Variants in OR51I2 observed in about 807,000 individuals in gnomAD.
The protein encoded by OR51I2 is olfactory receptor family 51 subfamily I member 2, also known as olfactory receptor 51I2.
OR51I2 carries 6 observed loss-of-function variants against 9.3 expected under a neutral mutation model. That is an observed-to-expected ratio of 0.64 (90% CI 0.35 to 1.27). The LOEUF is 1.27. Among genes scored for constraint, OR51I2 ranks in the 50% most tolerant of loss-of-function variants. The probability of loss-of-function intolerance (pLI) is 0.03; values close to 1 mark genes in which losing one functional copy is unlikely to be tolerated. For synonymous variants in OR51I2, 179 were observed against 143.1 expected (o/e 1.25, Z -1.79); for missense variants, 489 against 396.4 (o/e 1.23, Z -1.98).
chr11:5,453,623 C>A lies in OR51I2; in HGVS notation c.135C>A (p.Ile45=). Residue 45 remains isoleucine (I), a synonymous_variant, in exon 2 of 2, where the codon ATC becomes ATA. Coordinates refer to ENST00000641930, the MANE Select transcript of OR51I2 (RefSeq NM_001004754.3). Reference sequence around the variant, plus strand: ...TGGCCCTTGGGGGAAATACAGTGATCCTGCAGGCTGTGCGAGTGGAGCCCA... The same window carrying A: ...TGGCCCTTGGGGGAAATACAGTGATACTGCAGGCTGTGCGAGTGGAGCCCA... ...YAVALGGNTV[I]LQAVRVEPSL... 1.2e-6 allele frequency: 2 copies of A among 1,613,788 alleles called. No homozygotes were observed. The highest frequency in any genetic ancestry group is 1.7e-6 in the Non-Finnish European group (2 of 1,179,892).
At position 5,454,082 on chromosome 11, in the gene OR51I2, T is replaced by C. The variant is rs373615091; in HGVS notation, c.594T>C (p.Tyr198=). The change falls in exon 2 of 2, where the codon TAT becomes TAC. Residue 198 remains tyrosine, a synonymous_variant. Coordinates refer to ENST00000641930, the MANE Select transcript of OR51I2 (RefSeq NM_001004754.3). ...CTGATATCAGTATCAACAGCATCTA[T>C]GGACTCTTTGTTCTTGTATCCACCT... The part of the protein sequence containing the change: ...ACADISINSI[Y]GLFVLVSTFG... 4.2e-5 allele frequency: 68 copies of C among 1,614,102 alleles called. 1 individual carries two copies. The highest frequency in any genetic ancestry group is 1.6e-4 in the Middle Eastern group (1 of 6,084).
Position 5,453,560 on chromosome 11 carries a change from C to T in OR51I2, c.72C>T (p.His24=). 6.2e-7 allele frequency: 1 copy of T among 1,610,418 alleles called. No homozygotes were observed. The highest frequency in any genetic ancestry group is 1.1e-5 in the South Asian group (1 of 90,394). Residue 24 remains histidine, a synonymous_variant, in exon 2 of 2, where the codon CAC becomes CAT. Transcript: ENST00000641930. ...LTGIPGLESS[H]SWLSGPLCVM... ...GTATCCCTGGTCTGGAGAGCTCTCA[C>T]TCCTGGCTGTCAGGGCCCCTCTGCG...
intron 1 of OR51I2, among the ~76,000 whole-genome samples, chr11:5,451,134 C>A (rs1850841280): frequency 6.6e-6 from 1 of 152,172 alleles, no homozygotes; most frequent in Admixed American, 6.5e-5. Context: ...TATTCATTTT[C>A]TTTCTCAGTA....
In OR51I2 at chr11:5,450,854, A is replaced by G. The variant is rs752040977; in HGVS notation, c.-231+1490A>G. On this transcript the variant is annotated intron_variant, in intron 1 of 1. Coordinates refer to ENST00000641930, the MANE Select transcript of OR51I2 (RefSeq NM_001004754.3). ...CTGTTCCTGTGTTAATTTGCTGAGG[A>G]TGATGGCTTCCAGCCTCATCCATGT... Among the ~76,000 whole-genome samples the G allele has an allele frequency of 5.9e-5, 9 of 152,144 alleles. No individual in the cohort carries two copies. The South Asian group carries it at 1.2e-3, about 21-fold the overall frequency.
rs367656709 is a variant in OR51I2, at chr11:5,453,775, C to T, written c.287C>T (p.Ala96Val). Residue 96 changes from alanine (A) to valine (V), a missense_variant, in exon 2 of 2, where the codon GCC becomes GTC. By Grantham distance (64) the Ala-to-Val change is moderately conservative. Coordinates refer to ENST00000641930, the MANE Select transcript of OR51I2 (RefSeq NM_001004754.3). ...CLNARNITFDACLIQMFLIHF... is the reference protein window; with the variant it reads ...CLNARNITFDVCLIQMFLIHF... ...AATGCCCGCAACATCACTTTTGATG[C>T]CTGTCTAATTCAGATGTTTCTTATT... 8.7e-6 allele frequency: 14 copies of T among 1,614,178 alleles called. No individual in the cohort carries two copies. Among genetic ancestry groups the T allele is most frequent in the Non-Finnish European group, 1.1e-5 (13 of 1,180,034 alleles).
rs115963732 is a variant in OR51I2, at chr11:5,452,085, T to C, written c.-230-1174T>C. Among the ~76,000 whole-genome samples the C allele has an allele frequency of 6.0e-3, 921 of 152,322 alleles. 10 individuals are homozygous for C. The highest frequency in any genetic ancestry group is 0.02 in the African/African-American group (836 of 41,574). On this transcript the variant is annotated intron_variant, in intron 1 of 1. Coordinates refer to ENST00000641930, the MANE Select transcript of OR51I2 (RefSeq NM_001004754.3). ...TATCAGTGGGCAGTCCCCAAGCATG[T>C]AGATAGAAGTGTTGTGTGAGTATAC...
Position 5,453,811 on chromosome 11 carries a change from C to G in OR51I2, c.323C>G (p.Ser108Cys), listed in dbSNP as rs898935254. 2 of 1,614,200 alleles carry G rather than the reference C, an allele frequency of 1.2e-6. No individual in the cohort carries two copies. The highest frequency in any genetic ancestry group is 1.7e-6 in the Non-Finnish European group (2 of 1,180,026). ...CAGATGTTTCTTATTCACTTCTTCT[C>G]CATGATGGAATCAGGTATTCTGCTG... The part of the protein sequence containing the change: ...LIQMFLIHFF[S>C]MMESGILLAM... The change falls in exon 2 of 2, where the codon TCC becomes TGC. Residue 108 changes from serine (S) to cysteine (C), a missense_variant. Ser to Cys is a moderately radical substitution (Grantham distance 112, BLOSUM62 -1). Transcript: ENST00000641930.
Position 5,453,251 on chromosome 11 carries a change from T to C in OR51I2, c.-230-8T>C, listed in dbSNP as rs1415597921. 5.5e-6 allele frequency: 2 copies of C among 365,328 alleles called. No homozygotes were observed. The highest frequency in any genetic ancestry group is 4.2e-5 in the African/African-American group (2 of 47,806). The allele number at this position is 365,328 out of a possible 1,614,324, so 22.6% of individuals were successfully genotyped here. A position where few individuals can be genotyped will look rare whatever the true frequency, so the allele number is the denominator to read the frequency against. On this transcript the variant is annotated splice_polypyrimidine_tract_variant and splice_region_variant and intron_variant, in intron 1 of 1. Transcript: ENST00000641930. ...TATTTGTCAATGTCTTCCTTGTTCA[T>C]AAAATAGAGGGAAATATTAGCTCAG...
At position 5,454,581 on chromosome 11, in the gene OR51I2, T is replaced by C. The variant is rs923158271; in HGVS notation, c.*154T>C. ...AAAACTTATAACACAAAACAAGGAG[T>C]TCCAAATGAATAGTACATTCACTAA... On this transcript the variant is annotated 3_prime_UTR_variant, in exon 2 of 2. Coordinates refer to ENST00000641930, the MANE Select transcript of OR51I2 (RefSeq NM_001004754.3). 4 of 612,154 alleles carry C rather than the reference T, an allele frequency of 6.5e-6. No homozygotes were observed. The highest frequency in any genetic ancestry group is 1.1e-5 in the Non-Finnish European group (4 of 352,394). 37.9% of individuals were successfully genotyped at this position (612,154 alleles called of 1,614,324 possible). A position where few individuals can be genotyped will look rare whatever the true frequency, so the allele number is the denominator to read the frequency against.
At chr11:5,452,614 G>C (rs1444041274) in intron 1 of OR51I2, among the ~76,000 whole-genome samples, 2 of 135,082 alleles carry the variant, frequency 1.5e-5, no homozygotes, top group East Asian at 2.2e-4. Context: ...TATGGAGAGA[G>C]TATGTGAATG....
chr11:5,454,201 T>TCA lies in OR51I2; in HGVS notation c.714_715dup (p.Asn239ThrfsTer18), dbSNP rs35301588. ...TCCCGTGAGGAACGCCTCAAAGCTCTCAACACATGTGTGTCACATATCCTG... is the reference window on the plus strand; with the variant it reads ...TCCCGTGAGGAACGCCTCAAAGCTCTCACAACACATGTGTGTCACATATCCTG... On this transcript the variant is annotated frameshift_variant, in exon 2 of 2. Coordinates refer to ENST00000641930, the MANE Select transcript of OR51I2 (RefSeq NM_001004754.3). LOFTEE classifies it high-confidence loss of function. 554,421 of 1,613,882 alleles carry TCA rather than the reference T, an allele frequency of 0.34. 102,636 individuals are homozygous for TCA. The highest frequency in any genetic ancestry group is 0.38 in the Non-Finnish European group (453,352 of 1,179,866).
chr11:5,451,919 C>G (rs1428476380), intron 1 of OR51I2, among the ~76,000 whole-genome samples: 1 of 152,074 alleles, frequency 6.6e-6, no homozygotes, highest in Non-Finnish European at 1.5e-5. Context: ...AAAAGTGTGT[C>G]AAAAACAGAA....
rs756730685 is a variant in OR51I2, at chr11:5,454,376, A to C, written c.888A>C (p.Thr296=). Residue 296 remains threonine, a synonymous_variant, in exon 2 of 2, where the codon ACA becomes ACC. Coordinates refer to ENST00000641930, the MANE Select transcript of OR51I2 (RefSeq NM_001004754.3). The part of the protein sequence containing the change: ...VLNPLIYSAK[T]KEIRRAIFRM... ...ACCCTCTCATTTATAGCGCCAAGAC[A>C]AAGGAAATCCGCCGAGCCATTTTCC... 2 of 1,612,696 alleles carry C rather than the reference A, an allele frequency of 1.2e-6. No individual in the cohort carries two copies. The highest frequency in any genetic ancestry group is 3.3e-5 in the Admixed American group (2 of 59,958).
intron 1 of OR51I2, among the ~76,000 whole-genome samples, chr11:5,449,868 T>C (rs1850818071): frequency 6.6e-6 from 1 of 152,162 alleles, no homozygotes; most frequent in Non-Finnish European, 1.5e-5. Flanking sequence ...AGCTAAACTG[T>C]AGATGAACAA....
At chr11:5,451,412 G>C (rs888149143) in intron 1 of OR51I2, among the ~76,000 whole-genome samples, 1 of 152,204 alleles carries the variant, frequency 6.6e-6, no homozygotes, top group South Asian at 2.1e-4. Flanking sequence ...TATGAAGAAT[G>C]AGAGTGTAGT....
Position 5,454,207 on chromosome 11 carries a change from CAT to C in OR51I2, c.720_721del (p.Ser243ThrfsTer50). ...GAGGAACGCCTCAAAGCTCTCAACA[CAT>C]GTGTGTCACATATCCTGGCTGTACT... On this transcript the variant is annotated frameshift_variant, in exon 2 of 2. Transcript: ENST00000641930. LOFTEE classifies it high-confidence loss of function. 6.2e-7 allele frequency: 1 copy of C among 1,614,186 alleles called. No homozygotes were observed. Among genetic ancestry groups the C allele is most frequent in the Non-Finnish European group, 8.5e-7 (1 of 1,180,006 alleles).
In OR51I2 at chr11:5,454,197, G is replaced by A. The variant is rs1218045411; in HGVS notation, c.709G>A (p.Ala237Thr). The change falls in exon 2 of 2, where the codon GCT (alanine) becomes ACT (threonine). Residue 237 changes from alanine (A) to threonine (T), a missense_variant. Ala to Thr is a moderately conservative substitution (Grantham distance 58). Coordinates refer to ENST00000641930, the MANE Select transcript of OR51I2 (RefSeq NM_001004754.3). ...ATASREERLKALNTCVSHILA... is the reference protein window; with the variant it reads ...ATASREERLKTLNTCVSHILA... ...TGCTTCCCGTGAGGAACGCCTCAAA[G>A]CTCTCAACACATGTGTGTCACATAT... The A allele has an allele frequency of 5.1e-5, 82 of 1,597,178 alleles. No individual in the cohort carries two copies. The highest frequency in any genetic ancestry group is 6.9e-5 in the Non-Finnish European group (81 of 1,168,584).
chr11:5,454,379 G>C lies in OR51I2; in HGVS notation c.891G>C (p.Lys297Asn). The C allele has an allele frequency of 6.2e-7, 1 of 1,612,236 alleles. No homozygotes were observed. The highest frequency in any genetic ancestry group is 8.5e-7 in the Non-Finnish European group (1 of 1,179,882). The change falls in exon 2 of 2, where the codon AAG becomes AAC. Residue 297 changes from lysine (K) to asparagine (N), a missense_variant. Transcript: ENST00000641930. The stretch of plus-strand genomic sequence containing the variant: ...CTCTCATTTATAGCGCCAAGACAAA[G>C]GAAATCCGCCGAGCCATTTTCCGCA... ...LNPLIYSAKT[K>N]EIRRAIFRMF...
intron 1 of OR51I2, among the ~76,000 whole-genome samples, chr11:5,449,720 G>A (rs746806264): frequency 6.6e-6 from 1 of 152,134 alleles, no homozygotes; most frequent in Non-Finnish European, 1.5e-5. Flanking sequence ...GGAACGGTTC[G>A]GGAATCTAGA....
Sources: allele counts gnomAD v4.1 joint callset (sites outside exome capture counted in the v4.1 genomes callset), GRCh38; gene constraint gnomAD v4.1.1; transcripts MANE v1.5; gene names NCBI Gene and HGNC (gene_info 2026-07-23, HGNC 2026-07-21).